Variants in LMCD1 observed in about 807,000 individuals in gnomAD.
LMCD1 encodes LIM and cysteine-rich domains protein 1.
In LMCD1, 32 loss-of-function variants were observed where a neutral mutation model predicts 42.7. That is an observed-to-expected ratio of 0.75 (90% confidence interval 0.57 to 1.01). The LOEUF (loss-of-function observed/expected upper bound fraction) is 1.01, where lower values mean the gene tolerates loss of function less well. Among genes scored for constraint, LMCD1 ranks in the 50% least tolerant of loss-of-function variants. The pLI, the probability that LMCD1 is intolerant of heterozygous loss-of-function variation, is 0.00. For synonymous variants in LMCD1, 178 were observed against 184.9 expected, an observed-to-expected ratio of 0.96 and a Z score of 0.30; for missense variants, 458 against 483.1, an observed-to-expected ratio of 0.95 and a Z score of 0.49.
At chr3:8,515,560 A>C (rs1694082265) in intron 1 of LMCD1, among the ~76,000 whole-genome samples, 1 of 152,088 alleles carries the variant, frequency 6.6e-6, no homozygotes, top group Non-Finnish European at 1.5e-5. Context: ...TCTCCATGTT[A>C]TGCTCCTTGA....
intron 4 of LMCD1, among the ~76,000 whole-genome samples, chr3:8,559,160 C>T (rs952306905): frequency 6.6e-6 from 1 of 152,082 alleles, no homozygotes; most frequent in Admixed American, 6.5e-5. Context: ...ATGGAGAGAA[C>T]TGATAGGGGA....
chr3:8,550,827 C>T, intron 4 of LMCD1: 1 of 985,302 alleles, frequency 1.0e-6, no homozygotes, highest in Non-Finnish European at 1.2e-6. Context: ...AAGGAGACCT[C>T]TAAGTCACTG....
chr3:8,557,122 C>A (rs1366996031), intron 4 of LMCD1, among the ~76,000 whole-genome samples: 3 of 152,186 alleles, frequency 2.0e-5, no homozygotes, highest in Non-Finnish European at 4.4e-5. Flanking sequence ...CAAACCGTTG[C>A]CTACCCACCC....
At chr3:8,509,713 A>G (rs891044119) in intron 1 of LMCD1, among the ~76,000 whole-genome samples, 4 of 151,910 alleles carry the variant, frequency 2.6e-5, no homozygotes, top group Non-Finnish European at 5.9e-5. Context: ...TCCTTTTCCA[A>G]CCACCCTCAG....
intron 4 of LMCD1, among the ~76,000 whole-genome samples, chr3:8,552,491 C>T (rs969028507): frequency 6.6e-6 from 1 of 152,172 alleles, no homozygotes; most frequent in Non-Finnish European, 1.5e-5. Context: ...CTCCAGAAGG[C>T]TGGGTCCCCT....
At chr3:8,531,211 G>C (rs1694405929) in intron 1 of LMCD1, among the ~76,000 whole-genome samples, 1 of 152,160 alleles carries the variant, frequency 6.6e-6, no homozygotes, top group Admixed American at 6.5e-5. Flanking sequence ...AGCATCCAAA[G>C]GACATGCTCA....
At chr3:8,565,363 G>C in intron 4 of LMCD1, 69 bp from the exon 5 acceptor site, 1 of 1,395,280 alleles carries the variant, frequency 7.2e-7, no homozygotes, top group Non-Finnish European at 1.0e-6. Flanking sequence ...GCTGGAGCTG[G>C]AATTCGAACC....
intron 4 of LMCD1, among the ~76,000 whole-genome samples, chr3:8,557,264 A>T (rs1046849363): frequency 6.6e-6 from 1 of 152,362 alleles, no homozygotes; most frequent in African/African-American, 2.4e-5. Flanking sequence ...AACCTCTGGG[A>T]TACATGAGGC....
intron 4 of LMCD1, among the ~76,000 whole-genome samples, chr3:8,555,191 C>T (rs546492849): frequency 2.6e-5 from 4 of 152,276 alleles, no homozygotes; most frequent in South Asian, 2.1e-4. Context: ...CTCCCTCCCC[C>T]CCGCCAAAGG....
At chr3:8,553,932 C>T (rs1278380021) in intron 4 of LMCD1, among the ~76,000 whole-genome samples, 3 of 152,184 alleles carry the variant, frequency 2.0e-5, no homozygotes, top group African/African-American at 7.2e-5. Flanking sequence ...CTCTTTTCCT[C>T]ACATGTCCCA....
At chr3:8,544,383 G>A (rs1694694768) in intron 3 of LMCD1, among the ~76,000 whole-genome samples, 1 of 152,180 alleles carries the variant, frequency 6.6e-6, no homozygotes, top group Non-Finnish European at 1.5e-5. Context: ...AAAGCATTCA[G>A]AGGTGTGCAG....
intron 4 of LMCD1, among the ~76,000 whole-genome samples, chr3:8,560,001 G>A (rs1409499824): frequency 1.3e-5 from 2 of 152,218 alleles, no homozygotes; most frequent in East Asian, 3.8e-4. Flanking sequence ...CGGATGAGAA[G>A]GTTGCAAACA....
At chr3:8,555,311 T>A (rs1254711318) in intron 4 of LMCD1, among the ~76,000 whole-genome samples, 3 of 152,112 alleles carry the variant, frequency 2.0e-5, no homozygotes, top group Admixed American at 6.5e-5. Flanking sequence ...TCTAAGCAGA[T>A]GTTTGGCTTG....
At chr3:8,560,576 G>T (rs1340389524) in intron 4 of LMCD1, among the ~76,000 whole-genome samples, 2 of 152,236 alleles carry the variant, frequency 1.3e-5, no homozygotes, top group African/African-American at 2.4e-5. Context: ...TTTTGTGTGG[G>T]AGGGAAAGAG....
intron 1 of LMCD1, among the ~76,000 whole-genome samples, chr3:8,504,857 G>C (rs1344845498): frequency 6.6e-6 from 1 of 152,230 alleles, no homozygotes; most frequent in Non-Finnish European, 1.5e-5. Context: ...CTCGACTATG[G>C]ATTTGTTCTT....
At chr3:8,550,352 C>T (rs1694819851) in intron 4 of LMCD1, 4 of 991,578 alleles carry the variant, frequency 4.0e-6, no homozygotes, top group Non-Finnish European at 4.8e-6. Flanking sequence ...CACGAGATCC[C>T]CAAGCACATT....
intron 1 of LMCD1, among the ~76,000 whole-genome samples, chr3:8,508,858 T>A (rs1458016463): frequency 2.0e-5 from 3 of 152,170 alleles, no homozygotes; most frequent in Non-Finnish European, 4.4e-5. Flanking sequence ...ACCTTGAAAC[T>A]CAGAAGTTCA....
At position 8,550,150 on chromosome 3, in the gene LMCD1, T is replaced by C; in HGVS notation, c.723+1247T>C. On this transcript the variant is annotated intron_variant, in intron 4 of 5. Transcript: ENST00000157600. ...AGCCAGAGTTGGGGAGATGAAAGCC[T>C]CATGGCTTGGTTTGTCTTAAACTGC... is the stretch of plus-strand genomic sequence containing the variant. 3 of 1,348,056 alleles carry C rather than the reference T, an allele frequency of 2.2e-6. No homozygotes were observed. In the South Asian group the frequency reaches 4.7e-5, roughly 21 times the overall value. The allele number at this position is 1,348,056 out of a possible 1,614,324, so 83.5% of individuals were successfully genotyped here.
chr3:8,562,835 G>T (rs770206230), intron 4 of LMCD1, among the ~76,000 whole-genome samples: 1 of 152,160 alleles, frequency 6.6e-6, no homozygotes, highest in African/African-American at 2.4e-5. Flanking sequence ...ATCTGCCTGG[G>T]TCACTGCTGT....
Sources: gnomAD v4.1 joint callset for allele counts (sites outside exome capture counted in the v4.1 genomes callset) on GRCh38, gnomAD v4.1.1 for gene constraint, MANE v1.5 for transcripts, NCBI Gene and HGNC (gene_info 2026-07-23, HGNC 2026-07-21) for gene names.